The following MCTP1 variants were observed in gnomAD, a reference collection of about 807,000 sequenced individuals.
MCTP1 encodes the protein multiple C2 and transmembrane domain containing 1.
In MCTP1, 69 loss-of-function variants were observed where a neutral mutation model predicts 120.6. That is an observed-to-expected ratio of 0.57 (90% confidence interval 0.47 to 0.70). MCTP1 has a LOEUF of 0.70. MCTP1 is among the 30% of genes least tolerant of loss of function. The pLI is 0.00. For synonymous variants in MCTP1, 529 were observed against 493.1 expected, an observed-to-expected ratio of 1.07 and a Z score of -0.96; for missense variants, 1,203 against 1,248.8, an observed-to-expected ratio of 0.96 and a Z score of 0.55.
chr5:95,020,215 G>A (rs554688118), intron 1 of MCTP1, among the ~76,000 whole-genome samples: 2 of 152,086 alleles, frequency 1.3e-5, no homozygotes, highest in Middle Eastern at 6.8e-3. Flanking sequence ...GCTATGTTCA[G>A]TGCTTCTTGA....
At chr5:94,787,536 A>G (rs571382637) in intron 18 of MCTP1, among the ~76,000 whole-genome samples, 15 of 152,232 alleles carry the variant, frequency 9.9e-5, no homozygotes, top group African/African-American at 3.6e-4. Context: ...ATAGTGACAT[A>G]TAATGTCTAA....
chr5:94,932,122 A>C, intron 5 of MCTP1, 131 bp from the exon 6 acceptor site: 1 of 575,730 alleles, frequency 1.7e-6, no homozygotes, highest in Non-Finnish European at 3.0e-6. Flanking sequence ...TATACAACAC[A>C]AAACTTGTTT....
intron 10 of MCTP1, among the ~76,000 whole-genome samples, chr5:94,908,832 G>A (rs1388847716): frequency 6.6e-6 from 1 of 151,984 alleles, no homozygotes; most frequent in Non-Finnish European, 1.5e-5. Context: ...ACTCCAAGGA[G>A]ATTACAAGCA....
intron 1 of MCTP1, among the ~76,000 whole-genome samples, chr5:95,164,142 C>A (rs1044486563): frequency 9.9e-5 from 15 of 152,122 alleles, no homozygotes; most frequent in Non-Finnish European, 2.9e-5. Context: ...GTTCTGCATA[C>A]TTTTCTTTGA....
Position 95,284,600 on chromosome 5 carries a change from CCCTCCT to C in MCTP1, c.-31_-26del, listed in dbSNP as rs61185942. On this transcript the variant is annotated 5_prime_UTR_variant, in exon 1 of 23. Transcript: ENST00000515393. This position sits in a 1 kb window ranked among gnomAD's most constrained non-coding sequence, Gnocchi z 5.2. ...TCCTCCACCCCCTGCTCCTCCTCTCCCCTCCTCCTCCTCCTCCTCCTCCTGCTTCTC... is the reference window on the plus strand; with the variant it reads ...TCCTCCACCCCCTGCTCCTCCTCTCCCCTCCTCCTCCTCCTCCTGCTTCTC... The C allele has an allele frequency of 1.4e-4, 186 of 1,371,880 alleles. No homozygotes were observed. Among genetic ancestry groups the C allele is most frequent in the Admixed American group, 4.1e-4 (12 of 29,300 alleles). The allele number at this position is 1,371,880 out of a possible 1,614,324, so 85.0% of individuals were successfully genotyped here. A position where few individuals can be genotyped will look rare whatever the true frequency, so the allele number is the denominator to read the frequency against.
chr5:94,954,935 C>T (rs1561920643), intron 2 of MCTP1, among the ~76,000 whole-genome samples: 2 of 152,070 alleles, frequency 1.3e-5, no homozygotes, highest in East Asian at 1.9e-4. Context: ...TCCTAAACTC[C>T]CTATGATGAT....
intron 11 of MCTP1, among the ~76,000 whole-genome samples, chr5:94,892,707 A>T (rs1459503216): frequency 1.3e-5 from 2 of 152,174 alleles, no homozygotes; most frequent in Non-Finnish European, 2.9e-5. Context: ...CCTGACAGTG[A>T]CCAATGTCAA....
At chr5:94,856,354 T>C (rs1794722037) in intron 17 of MCTP1, among the ~76,000 whole-genome samples, 1 of 151,804 alleles carries the variant, frequency 6.6e-6, no homozygotes, top group South Asian at 2.1e-4. Flanking sequence ...TTCCATAATT[T>C]CTGGTTATTG....
intron 17 of MCTP1, among the ~76,000 whole-genome samples, chr5:94,836,265 C>G (rs1349976730): frequency 6.6e-6 from 1 of 151,208 alleles, no homozygotes; most frequent in South Asian, 2.1e-4. Context: ...AAGGATAAAC[C>G]CATCTGTAGG....
chr5:95,067,605 C>T (rs997747272), intron 1 of MCTP1, among the ~76,000 whole-genome samples: 1 of 151,942 alleles, frequency 6.6e-6, no homozygotes, highest in African/African-American at 2.4e-5. Context: ...ACAAAATATA[C>T]TTATATTTTT....
intron 1 of MCTP1, among the ~76,000 whole-genome samples, chr5:95,067,520 T>A (rs963110017): frequency 3.9e-5 from 6 of 152,100 alleles, no homozygotes; most frequent in African/African-American, 1.4e-4. Context: ...GATTTACAAC[T>A]AATATATTAA....
chr5:94,997,046 C>G (rs1376684195), intron 2 of MCTP1, among the ~76,000 whole-genome samples: 3 of 152,068 alleles, frequency 2.0e-5, no homozygotes, highest in Non-Finnish European at 2.9e-5. Context: ...CTAAGGTACT[C>G]GATCACCACA....
chr5:94,776,516 C>T (rs78957867), intron 19 of MCTP1, among the ~76,000 whole-genome samples: 6,106 of 152,056 alleles, frequency 0.04, 197 homozygotes, highest in African/African-American at 0.086. Context: ...ACACTGGCCC[C>T]GGTGAAACAT....
chr5:94,716,803 A>G (rs959895396), intron 19 of MCTP1, among the ~76,000 whole-genome samples: 2 of 152,122 alleles, frequency 1.3e-5, no homozygotes, highest in African/African-American at 4.8e-5. Context: ...TTTCAAGCAA[A>G]TCCTAATGTT....
intron 17 of MCTP1, among the ~76,000 whole-genome samples, chr5:94,820,843 T>C (rs1464593604): frequency 6.6e-6 from 1 of 152,244 alleles, no homozygotes; most frequent in African/African-American, 2.4e-5. Context: ...CCAAACCATT[T>C]GAGAGTAACA....
At chr5:94,741,868 A>C (rs1220874245) in intron 19 of MCTP1, among the ~76,000 whole-genome samples, 1 of 152,172 alleles carries the variant, frequency 6.6e-6, no homozygotes. Context: ...TAACCTCCCT[A>C]AACCTCAGTT....
rs1446636776 is a variant in MCTP1, at chr5:94,706,560, A to AATCT, written c.*932_*935dup. On this transcript the variant is annotated 3_prime_UTR_variant, in exon 23 of 23. Transcript: ENST00000515393. ...ATAGTATGAATTAAAGCATTTCAGT[A>AATCT]ATCTAATGAGAAAGCAGGTTTTTTT... is the stretch of plus-strand genomic sequence containing the variant. 1 of 145,320 alleles carries AATCT rather than the reference A, an allele frequency of 6.9e-6. No homozygotes were observed. The allele number at this position is 145,320 out of a possible 1,614,324, so 9.0% of individuals were successfully genotyped here.
chr5:95,037,114 C>T (rs566897179), intron 1 of MCTP1, among the ~76,000 whole-genome samples: 1 of 152,192 alleles, frequency 6.6e-6, no homozygotes, highest in Non-Finnish European at 1.5e-5. Context: ...AGTCCTCCAC[C>T]TCCTTCAACC....
At chr5:95,234,932 C>A (rs949722313) in intron 1 of MCTP1, among the ~76,000 whole-genome samples, 2 of 152,070 alleles carry the variant, frequency 1.3e-5, no homozygotes, top group South Asian at 2.1e-4. Flanking sequence ...ATTATTTCTA[C>A]ACAAACTCTT....
Sources: allele counts gnomAD v4.1 joint callset (sites outside exome capture counted in the v4.1 genomes callset), GRCh38; gene constraint gnomAD v4.1.1; non-coding constraint Gnocchi (gnomAD v3.1); transcripts MANE v1.5; gene names NCBI Gene and HGNC (gene_info 2026-07-23, HGNC 2026-07-21).